Variants in SLC25A14 observed in about 807,000 individuals in gnomAD.
SLC25A14 encodes the protein brain mitochondrial carrier protein 1.
A neutral mutation model predicts 28.1 loss-of-function variants in SLC25A14; 8 were observed. The ratio of observed to expected loss-of-function variants is 0.28; its 90% CI spans 0.17 to 0.51. The LOEUF is 0.51. SLC25A14 is among the 20% of genes least tolerant of loss of function. The pLI, the probability that SLC25A14 is intolerant of heterozygous loss-of-function variation, is 0.97. For synonymous variants in SLC25A14, 74 were observed against 90.6 expected, an observed-to-expected ratio of 0.82 and a Z score of 1.04; for missense variants, 135 against 263.8, an observed-to-expected ratio of 0.51 and a Z score of 3.38.
chrX:130,361,561 T>A (rs1328900450), intron 7 of SLC25A14, among the ~76,000 whole-genome samples: 2 of 112,826 alleles, frequency 1.8e-5, no homozygotes, highest in African/African-American at 6.4e-5. Context: ...CTGCTCTGAT[T>A]GTAACATGAA....
chrX:130,368,311 A>G (rs753140724), intron 9 of SLC25A14, among the ~76,000 whole-genome samples: 2 of 112,479 alleles, frequency 1.8e-5, no homozygotes, highest in African/African-American at 6.5e-5. Context: ...TGCAAAAGCC[A>G]ATTGCTGTGC....
intron 6 of SLC25A14, among the ~76,000 whole-genome samples, chrX:130,356,183 T>G (rs2033781895): frequency 9.1e-6 from 1 of 109,502 alleles, no homozygotes; most frequent in African/African-American, 3.3e-5. Flanking sequence ...ATTCCATCCA[T>G]GTTTCTTAGC....
intron 2 of SLC25A14, among the ~76,000 whole-genome samples, chrX:130,342,863 A>G (rs1369652413): frequency 5.5e-5 from 6 of 108,550 alleles, no homozygotes; most frequent in Middle Eastern, 9.3e-3. Context: ...TAAATTAAAT[A>G]CATTTAGCTG....
chrX:130,366,660 G>A (rs1395220101), intron 9 of SLC25A14, among the ~76,000 whole-genome samples: 1 of 112,403 alleles, frequency 8.9e-6, no homozygotes. Flanking sequence ...AAAGGATACT[G>A]AATGCTATAT....
In SLC25A14 at chrX:130,346,644, G is replaced by A. The variant is rs772442657; in HGVS notation, c.270G>A (p.Ala90=). 22 of 1,206,432 alleles carry A rather than the reference G, an allele frequency of 1.8e-5. No homozygotes were observed. Among genetic ancestry groups the A allele is most frequent in the South Asian group, 1.4e-4 (8 of 56,686 alleles). ...TAAAATATAGAGGGATGTTCCATGC[G>A]CTGTTTCGCATCTGTAAAGAGGAAG... ...KEIKYRGMFH[A]LFRICKEEGV... Residue 90 remains alanine (A), a synonymous_variant, in exon 4 of 11, where the codon GCG becomes GCA. Coordinates refer to ENST00000545805, the MANE Select transcript of SLC25A14 (RefSeq NM_001282195.2).
intron 8 of SLC25A14, chrX:130,365,084 CAG>C: frequency 3.8e-6 from 3 of 798,912 alleles, no homozygotes; most frequent in Non-Finnish European, 4.5e-6. Context: ...AAACTTTTCT[CAG>C]TGGGAATCAG....
intron 10 of SLC25A14, among the ~76,000 whole-genome samples, chrX:130,372,342 A>G (rs1008975492): frequency 9.0e-6 from 1 of 111,695 alleles, no homozygotes; most frequent in Non-Finnish European, 1.9e-5. Flanking sequence ...CCTGAAGACT[A>G]TAAATATATT....
Position 130,364,693 on chromosome X carries a change from T to C in SLC25A14, c.660T>C (p.Ile220=). Residue 220 remains isoleucine (I), a synonymous_variant, in exon 8 of 11, where the codon ATT becomes ATC. Transcript: ENST00000545805. ...VVGVELPVYD[I]TKKHLILSGM... ...GAGTAGAGCTACCAGTCTATGATAT[T>C]ACTAAGAAGCATTTAATATTGTCAG... 8.3e-7 allele frequency: 1 copy of C among 1,208,428 alleles called. No homozygotes were observed. Among genetic ancestry groups the C allele is most frequent in the Non-Finnish European group, 1.1e-6 (1 of 892,808 alleles).
chrX:130,349,101 G>T, intron 4 of SLC25A14, 150 bp from the exon 5 acceptor site: 1 of 289,954 alleles, frequency 3.4e-6, no homozygotes. Flanking sequence ...AGAATGTTCA[G>T]TTTCTTGCTG....
intron 4 of SLC25A14, among the ~76,000 whole-genome samples, chrX:130,348,175 A>G (rs1001264781): frequency 5.4e-5 from 6 of 110,727 alleles, no homozygotes; most frequent in South Asian, 7.7e-4. Context: ...CAGACTGCCA[A>G]GACTTCTTAT....
In SLC25A14 at chrX:130,340,373, G is replaced by A; in HGVS notation, c.75+20G>A. ...AGCGGAGTAAGCAAACACCTCCATT[G>A]TATTAGTGTAAGGGATACTGTTGAA... On this transcript the variant is annotated intron_variant, in intron 2 of 10. Transcript: ENST00000545805. The A allele has an allele frequency of 8.3e-7, 1 of 1,209,614 alleles. No individual in the cohort carries two copies. The highest frequency in any genetic ancestry group is 1.1e-6 in the Non-Finnish European group (1 of 893,482).
chrX:130,364,797 C>T (rs1486402232), intron 8 of SLC25A14, 45 bp downstream of exon 8: 1 of 1,182,650 alleles, frequency 8.5e-7, no homozygotes, highest in South Asian at 1.8e-5. Flanking sequence ...GCATTTTGAG[C>T]ACAAAAAGCC....
At chrX:130,352,311 T>C (rs1433281013) in intron 6 of SLC25A14, among the ~76,000 whole-genome samples, 1 of 112,437 alleles carries the variant, frequency 8.9e-6, no homozygotes, top group Non-Finnish European at 1.9e-5. Context: ...CTTTATCCAG[T>C]CCAACGGTGG....
At chrX:130,363,909 A>T (rs754766479) in intron 7 of SLC25A14, among the ~76,000 whole-genome samples, 25 of 110,590 alleles carry the variant, frequency 2.3e-4, no homozygotes, top group Middle Eastern at 4.6e-3. Context: ...AATTTAAAAA[A>T]TTTTTTTAAG....
intron 7 of SLC25A14, 155 bp downstream of exon 7, chrX:130,358,890 G>T: frequency 1.5e-6 from 1 of 662,012 alleles, no homozygotes; most frequent in Non-Finnish European, 2.3e-6. Flanking sequence ...ACTTATCATT[G>T]GCCTTTTATT....
In SLC25A14 at chrX:130,350,212, C is replaced by G. The variant is rs543081014; in HGVS notation, c.413-434C>G. Among the ~76,000 whole-genome samples, 6 of 111,708 alleles carry G rather than the reference C, an allele frequency of 5.4e-5. No homozygotes were observed. In the South Asian group the frequency reaches 2.2e-3, roughly 41 times the overall value. ...TCTCAGGCCTATCAAAATTAATATT[C>G]AAATAAGTTTTTTGTATTAGACGTA... On this transcript the variant is annotated intron_variant, in intron 5 of 10. Transcript: ENST00000545805.
At position 130,358,859 on chromosome X, in the gene SLC25A14, A is replaced by T. The variant is rs183815017; in HGVS notation, c.594+124A>T. 4.6e-4 allele frequency: 293 copies of T among 638,095 alleles called. 1 individual carries two copies. Among genetic ancestry groups the T allele is most frequent in the Middle Eastern group, 4.5e-3 (14 of 3,138 alleles). 52.6% of individuals were successfully genotyped at this position (638,095 alleles called of 1,213,427 possible). ...CAAAAACTAAGGTAAGAAACTCCTC[A>T]TCTCCCTTGAAAGGCCCAAAACTTA... On this transcript the variant is annotated intron_variant, in intron 7 of 10. Coordinates refer to ENST00000545805, the MANE Select transcript of SLC25A14 (RefSeq NM_001282195.2).
intron 4 of SLC25A14, 52 bp downstream of exon 4, chrX:130,346,743 C>A (rs1457914425): frequency 3.8e-6 from 4 of 1,053,855 alleles, no homozygotes; most frequent in Non-Finnish European, 5.2e-6. Flanking sequence ...TTTAAAGAAG[C>A]CATAGTTTTC....
At position 130,340,181 on chromosome X, in the gene SLC25A14, C is replaced by T. The variant is rs1047490738; in HGVS notation, c.-98C>T. Reference sequence around the variant, plus strand: ...CTTCGATTGAACCCTGCTTCCTCGACCCCCCTGGGAGGCCGCCTTCTTCAG... The same window carrying T: ...CTTCGATTGAACCCTGCTTCCTCGATCCCCCTGGGAGGCCGCCTTCTTCAG... On this transcript the variant is annotated 5_prime_UTR_variant, in exon 2 of 11. Coordinates refer to ENST00000545805, the MANE Select transcript of SLC25A14 (RefSeq NM_001282195.2). 1.7e-6 allele frequency: 2 copies of T among 1,166,931 alleles called. No individual in the cohort carries two copies. Among genetic ancestry groups the T allele is most frequent in the African/African-American group, 1.8e-5 (1 of 55,343 alleles).
Sources: allele counts gnomAD v4.1 joint callset (sites outside exome capture counted in the v4.1 genomes callset), GRCh38; gene constraint gnomAD v4.1.1; transcripts MANE v1.5; gene names NCBI Gene and HGNC (gene_info 2026-07-23, HGNC 2026-07-21).